The following HIF3A variants were observed in gnomAD, a reference collection of about 807,000 sequenced individuals.
HIF3A encodes the protein hypoxia-inducible factor 3-alpha.
In HIF3A, 41 loss-of-function variants were observed where a neutral mutation model predicts 67.2. That is an observed-to-expected ratio of 0.61 (90% CI 0.48 to 0.79). HIF3A has a LOEUF of 0.79. Ranked by LOEUF, HIF3A falls within the 30% of genes least tolerant of loss-of-function variation. HIF3A has a pLI of 0.00. For synonymous variants in HIF3A, 356 were observed against 374.8 expected (o/e 0.95, Z 0.58); for missense variants, 855 against 898.0 (o/e 0.95, Z 0.61).
At chr19:46,303,777 G>A in intron 1 of HIF3A, 121 bp from the exon 2 acceptor site, 1 of 1,493,234 alleles carries the variant, frequency 6.7e-7, no homozygotes, top group Non-Finnish European at 9.1e-7. Context: ...ATCGAGGCCT[G>A]CGCAGCCGCG....
At chr19:46,303,472 C>G in intron 1 of HIF3A, 1 of 637,100 alleles carries the variant, frequency 1.6e-6, no homozygotes, top group South Asian at 2.0e-5. Context: ...GGGCAGGGGG[C>G]CTGGGAGGCT....
At chr19:46,331,308 C>A in intron 13 of HIF3A, 35 bp downstream of exon 13, 2 of 1,533,400 alleles carry the variant, frequency 1.3e-6, no homozygotes, top group Admixed American at 1.7e-5. Flanking sequence ...CTCTGGCCCT[C>A]ATTACCTAGC....
At position 46,334,927 on chromosome 19, in the gene HIF3A, C is replaced by T. The variant is rs1470222400; in HGVS notation, c.1853C>T (p.Pro618Leu). The change falls in exon 14 of 15, where the codon CCA becomes CTA. Residue 618 changes from proline to leucine, a missense_variant. By Grantham distance (98) the Pro-to-Leu change is moderately conservative. Coordinates refer to ENST00000377670, the MANE Select transcript of HIF3A (RefSeq NM_152795.4). ...CAGAGTTTCCTTCTGACAGGAGGACCAGCCCCAGGGAGCCTGCAGGACCCC... is the reference window on the plus strand; with the variant it reads ...CAGAGTTTCCTTCTGACAGGAGGACTAGCCCCAGGGAGCCTGCAGGACCCC... ...LSLSFLLTGGPAPGSLQDPST... is the reference protein window; with the variant it reads ...LSLSFLLTGGLAPGSLQDPST... 1.2e-6 allele frequency: 2 copies of T among 1,609,676 alleles called. No homozygotes were observed. Among genetic ancestry groups the T allele is most frequent in the Admixed American group, 1.7e-5 (1 of 59,242 alleles).
In HIF3A at chr19:46,309,142, G is replaced by A. The variant is rs746603886; in HGVS notation, c.562-9G>A. ...CACCACTGCCTTGTCCCCTCATCTC[G>A]GCCCCCAGGTGCTGAACTGCTCTGG... On this transcript the variant is annotated splice_polypyrimidine_tract_variant and intron_variant, in intron 5 of 14. Coordinates refer to ENST00000377670, the MANE Select transcript of HIF3A (RefSeq NM_152795.4). 8.1e-6 allele frequency: 13 copies of A among 1,608,190 alleles called. No homozygotes were observed. Among genetic ancestry groups the A allele is most frequent in the African/African-American group, 5.4e-5 (4 of 74,730 alleles).
chr19:46,305,516 C>G lies in HIF3A; in HGVS notation c.363+126C>G. The G allele has an allele frequency of 3.1e-6, 3 of 954,660 alleles. No individual in the cohort carries two copies. The South Asian group carries it at 4.8e-5, about 15-fold the overall frequency. The allele number at this position is 954,660 out of a possible 1,614,324, so 59.1% of individuals were successfully genotyped here. ...ATACAAAGGGGATATAGGTATGTCA[C>G]TAGACAGGAAGACCCAGAATGGTCA... On this transcript the variant is annotated intron_variant, in intron 3 of 14. Transcript: ENST00000377670.
At chr19:46,304,867 G>C (rs185870619) in intron 2 of HIF3A, among the ~76,000 whole-genome samples, 1 of 151,978 alleles carries the variant, frequency 6.6e-6, no homozygotes, top group South Asian at 2.1e-4. Flanking sequence ...GAACCCCTTC[G>C]AGGCTTCCCC....
At position 46,331,385 on chromosome 19, in the gene HIF3A, A is replaced by G. The variant is rs778868518; in HGVS notation, c.1830+112A>G. ...GGCAGGGGCTGGTTGAGGGTCATAC[A>G]GAAAGTCAGTGGGCCAGCTGAGACT... On this transcript the variant is annotated intron_variant, in intron 13 of 14. Transcript: ENST00000377670. 1.7e-4 allele frequency: 135 copies of G among 802,096 alleles called. No homozygotes were observed. The South Asian group carries it at 2.1e-3, about 12-fold the overall frequency. 49.7% of individuals were successfully genotyped at this position (802,096 alleles called of 1,614,324 possible).
Position 46,312,633 on chromosome 19 carries a change from C to T in HIF3A, c.1005C>T (p.Val335=), listed in dbSNP as rs908823086. Reference sequence around the variant, plus strand: ...GGGGCCCCCAGTCGGAGAGTATCGTCTGTGTCCATTTTTTAATCAGGTAAG... The same window carrying T: ...GGGGCCCCCAGTCGGAGAGTATCGTTTGTGTCCATTTTTTAATCAGGTAAG... The part of the protein sequence containing the change: ...GGRGPQSESI[V]CVHFLISQVE... Residue 335 remains valine (V), a synonymous_variant, in exon 8 of 15, where the codon GTC becomes GTT. Transcript: ENST00000377670. 1 of 1,565,962 alleles carries T rather than the reference C, an allele frequency of 6.4e-7. No individual in the cohort carries two copies. Among genetic ancestry groups the T allele is most frequent in the African/African-American group, 1.4e-5 (1 of 73,506 alleles).
chr19:46,308,422 G>T, intron 4 of HIF3A, 117 bp downstream of exon 4: 1 of 731,168 alleles, frequency 1.4e-6, no homozygotes, highest in Non-Finnish European at 2.3e-6. Context: ...GTAGGAAGAG[G>T]AGAGATGGCC....
At chr19:46,331,855 C>CAAA (rs532285027) in intron 13 of HIF3A, among the ~76,000 whole-genome samples, 7 of 51,264 alleles carry the variant, frequency 1.4e-4, no homozygotes, top group African/African-American at 4.7e-4. Context: ...AACTCCGTCT[C>CAAA]AAAAAAAAAA....
At chr19:46,311,644 T>C (rs1284232057) in intron 6 of HIF3A, among the ~76,000 whole-genome samples, 1 of 151,996 alleles carries the variant, frequency 6.6e-6, no homozygotes, top group Non-Finnish European at 1.5e-5. Flanking sequence ...GCAGGAAGAT[T>C]GAGCCTGGGA....
intron 3 of HIF3A, among the ~76,000 whole-genome samples, chr19:46,307,060 C>T (rs1458080900): frequency 6.6e-6 from 1 of 151,748 alleles, no homozygotes; most frequent in Non-Finnish European, 1.5e-5. Context: ...ACTCTTACTC[C>T]AGGGGGCCAT....
rs144306130 is a variant in HIF3A, at chr19:46,324,963, TACAC to T, written c.1336-558_1336-555del. On this transcript the variant is annotated intron_variant, in intron 10 of 14. Coordinates refer to ENST00000377670, the MANE Select transcript of HIF3A (RefSeq NM_152795.4). The stretch of plus-strand genomic sequence containing the variant: ...ATATACATATATATATATATACACA[TACAC>T]ACACACACACACATATATTGTGTGT... Among the ~76,000 whole-genome samples the T allele has an allele frequency of 5.9e-4, 79 of 133,040 alleles. No individual in the cohort carries two copies. In the Middle Eastern group the frequency reaches 0.016, roughly 27 times the overall value. 87.3% of individuals were successfully genotyped at this position (133,040 alleles called of 152,430 possible). A position where few individuals can be genotyped will look rare whatever the true frequency, so the allele number is the denominator to read the frequency against.
intron 10 of HIF3A, among the ~76,000 whole-genome samples, chr19:46,322,911 C>G (rs924774807): frequency 1.1e-4 from 17 of 152,184 alleles, no homozygotes; most frequent in Non-Finnish European, 1.5e-5. Flanking sequence ...CGGGCACCAC[C>G]CTCCAGAAAC....
intron 8 of HIF3A, among the ~76,000 whole-genome samples, chr19:46,314,048 A>G (rs1041624340): frequency 1.3e-5 from 2 of 151,118 alleles, no homozygotes; most frequent in African/African-American, 2.4e-5. Flanking sequence ...TTTTTTATCC[A>G]TTCACCAGTT....
chr19:46,308,275 G>T lies in HIF3A; in HGVS notation c.418G>T (p.Glu140Ter). ...TTTCATCCACCCCTGTGACCAAGAG[G>T]AGCTTCAGGACGCCCTGACCCCCCA... ...FDFIHPCDQE[E>*]LQDALTPQQT... The change falls in exon 4 of 15, where the codon GAG becomes TAG. Residue 140 changes from glutamate to a stop codon, truncating the protein, a stop_gained. Coordinates refer to ENST00000377670, the MANE Select transcript of HIF3A (RefSeq NM_152795.4). LOFTEE classifies it high-confidence loss of function. The T allele has an allele frequency of 1.9e-6, 3 of 1,613,760 alleles. No individual in the cohort carries two copies. Among genetic ancestry groups the T allele is most frequent in the Non-Finnish European group, 2.5e-6 (3 of 1,179,768 alleles).
chr19:46,299,265 T>C (rs898641054), intron 1 of HIF3A, among the ~76,000 whole-genome samples: 3 of 152,108 alleles, frequency 2.0e-5, no homozygotes, highest in Admixed American at 1.3e-4. Flanking sequence ...GGACCGAGGC[T>C]GCTAGGCAAA....
chr19:46,334,170 C>CA (rs1971448969), intron 13 of HIF3A, among the ~76,000 whole-genome samples: 3 of 152,198 alleles, frequency 2.0e-5, no homozygotes, highest in Admixed American at 1.3e-4. Flanking sequence ...TGGCTCACTA[C>CA]AACCTCCTCC....
rs1162542322 is a variant in HIF3A, at chr19:46,308,697, G to A, written c.483G>A (p.Glu161=). ...GGAGGAAGGTGGAGGCCCCCACGGA[G>A]CGGTGCTTCTCCTTGCGCATGAAGA... is the stretch of plus-strand genomic sequence containing the variant. ...LSRRKVEAPT[E]RCFSLRMKST... Residue 161 remains glutamate, a synonymous_variant, in exon 5 of 15, where the codon GAG becomes GAA. Transcript: ENST00000377670. The A allele has an allele frequency of 6.2e-7, 1 of 1,610,108 alleles. No individual in the cohort carries two copies. Among genetic ancestry groups the A allele is most frequent in the Non-Finnish European group, 8.5e-7 (1 of 1,178,570 alleles).
Sources: allele counts gnomAD v4.1 joint callset (sites outside exome capture counted in the v4.1 genomes callset), GRCh38; gene constraint gnomAD v4.1.1; transcripts MANE v1.5; gene names NCBI Gene and HGNC (gene_info 2026-07-23, HGNC 2026-07-21).